The following PALM2AKAP2 variants were observed in gnomAD, a reference collection of about 807,000 sequenced individuals.
The protein encoded by PALM2AKAP2 is PALM2 and AKAP2 fusion.
A neutral mutation model predicts 71.5 loss-of-function variants in PALM2AKAP2; 37 were observed. That is an observed-to-expected ratio of 0.52 (90% CI 0.40 to 0.68). The LOEUF (loss-of-function observed/expected upper bound fraction) is 0.68. Ranked by LOEUF, PALM2AKAP2 falls within the 30% of genes least tolerant of loss-of-function variation. The probability of loss-of-function intolerance (pLI) is 0.00; values close to 1 mark genes in which losing one functional copy is unlikely to be tolerated. For missense variants in PALM2AKAP2, 1,224 were observed against 1,191.8 expected, an observed-to-expected ratio of 1.03 and a Z score of -0.40; for synonymous variants, 468 against 478.8, an observed-to-expected ratio of 0.98 and a Z score of 0.29.
chr9:110,021,543 C>T (rs540412466), intron 7 of PALM2AKAP2, among the ~76,000 whole-genome samples: 14 of 152,252 alleles, frequency 9.2e-5, no homozygotes, highest in African/African-American at 2.2e-4. Context: ...ACCAATATTA[C>T]GAAGATCCAC....
chr9:109,925,119 T>TA, intron 5 of PALM2AKAP2, 37 bp downstream of exon 5: 2 of 1,613,884 alleles, frequency 1.2e-6, no homozygotes, highest in Non-Finnish European at 1.7e-6. Flanking sequence ...ATGAATGTTT[T>TA]AATCCTGGTC....
At chr9:110,016,942 C>G (rs148401486) in intron 7 of PALM2AKAP2, among the ~76,000 whole-genome samples, 1 of 151,994 alleles carries the variant, frequency 6.6e-6, no homozygotes, top group East Asian at 1.9e-4. Flanking sequence ...TGCAGTGGTG[C>G]GATCTCGGCT....
At chr9:109,737,180 A>G (rs1303969010) in intron 1 of PALM2AKAP2, among the ~76,000 whole-genome samples, 1 of 152,224 alleles carries the variant, frequency 6.6e-6, no homozygotes, top group African/African-American at 2.4e-5. Flanking sequence ...CACCAAAGGG[A>G]TCCTGGAAAC....
intron 3 of PALM2AKAP2, among the ~76,000 whole-genome samples, chr9:109,892,460 G>A (rs1313874676): frequency 6.6e-6 from 1 of 152,106 alleles, no homozygotes. Flanking sequence ...AGGTTCTGGG[G>A]GTTAGGGTGT....
chr9:109,692,389 A>G (rs1185416864), intron 1 of PALM2AKAP2, among the ~76,000 whole-genome samples: 1 of 151,954 alleles, frequency 6.6e-6, no homozygotes, highest in Non-Finnish European at 1.5e-5. Context: ...TCATGTCATC[A>G]TTGAAAAATA....
chr9:110,071,163 C>CAA (rs768229567), intron 1 of PALM2AKAP2, among the ~76,000 whole-genome samples: 2 of 101,864 alleles, frequency 2.0e-5, no homozygotes, highest in African/African-American at 8.3e-5. Flanking sequence ...GACTCTGTTT[C>CAA]AAAAAAAAAA....
chr9:110,010,908 A>G (rs1307659039), intron 6 of PALM2AKAP2, among the ~76,000 whole-genome samples: 1 of 144,914 alleles, frequency 6.9e-6, no homozygotes, highest in African/African-American at 2.5e-5. Context: ...AGGCAGGAGA[A>G]TTGCTTGAAC....
At chr9:109,847,327 C>A (rs1411740340) in intron 1 of PALM2AKAP2, among the ~76,000 whole-genome samples, 1 of 152,200 alleles carries the variant, frequency 6.6e-6, no homozygotes, top group Non-Finnish European at 1.5e-5. Context: ...GGAATGCCAG[C>A]AGCTGCCAGA....
intron 1 of PALM2AKAP2, among the ~76,000 whole-genome samples, chr9:109,745,969 G>A (rs1828794332): frequency 6.6e-6 from 1 of 152,200 alleles, no homozygotes; most frequent in Non-Finnish European, 1.5e-5. Flanking sequence ...GCAGAGCTTG[G>A]CATTCAGAGG....
intron 1 of PALM2AKAP2, among the ~76,000 whole-genome samples, chr9:109,699,777 T>A (rs1394013928): frequency 3.3e-5 from 2 of 60,408 alleles, no homozygotes; most frequent in East Asian, 6.8e-4. Flanking sequence ...TACCTTTATT[T>A]ATTTTTTTTT....
At chr9:109,716,865 T>C (rs1828331858) in intron 1 of PALM2AKAP2, among the ~76,000 whole-genome samples, 1 of 152,110 alleles carries the variant, frequency 6.6e-6, no homozygotes, top group South Asian at 2.1e-4. Context: ...TATGTGGATA[T>C]CCTAGCAATA....
At chr9:110,059,251 T>C (rs1833911110) in intron 1 of PALM2AKAP2, among the ~76,000 whole-genome samples, 1 of 152,228 alleles carries the variant, frequency 6.6e-6, no homozygotes, top group Admixed American at 6.5e-5. Context: ...CTCCTGTCAT[T>C]CATCCAGTTG....
rs143285349 is a variant in PALM2AKAP2 at position 109,943,400 on chromosome 9, G to A, written c.496+11372G>A. The A allele has an allele frequency of 5.4e-4, 868 of 1,612,496 alleles. 9 individuals carry two copies. Among genetic ancestry groups the A allele is most frequent in the Admixed American group, 1.5e-4 (9 of 59,718 alleles). ...GCCCCAGGTACCCAAAAGAAAAAGC[G>A]CTGTCAATGCTGTGTTGTCATGTGA... On this transcript the variant is annotated intron_variant, in intron 6 of 9. Coordinates refer to the PALM2AKAP2 transcript ENST00000302798.
chr9:110,119,460 A>T, intron 1 of PALM2AKAP2, among the ~76,000 whole-genome samples: 1 of 151,980 alleles, frequency 6.6e-6, no homozygotes, highest in Non-Finnish European at 1.5e-5. Context: ...TGTATAGATC[A>T]TTTTCTACGT....
intron 6 of PALM2AKAP2, among the ~76,000 whole-genome samples, chr9:109,989,754 G>A (rs1348710787): frequency 1.3e-5 from 2 of 152,174 alleles, no homozygotes; most frequent in Non-Finnish European, 2.9e-5. Context: ...TTCTCCTACT[G>A]TGGGTCCATC....
At position 109,854,326 on chromosome 9, in the gene PALM2AKAP2, A is replaced by G. The variant is rs1326690760; in HGVS notation, c.46-13165A>G. On this transcript the variant is annotated intron_variant, in intron 1 of 9. Transcript: ENST00000302798. ...AGCTGAGGATTCTGAATTAGGAAACATATCTATTTAGGTTTAAACTACAAA... is the reference window on the plus strand; with the variant it reads ...AGCTGAGGATTCTGAATTAGGAAACGTATCTATTTAGGTTTAAACTACAAA... Among the ~76,000 whole-genome samples the G allele has an allele frequency of 2.6e-5, 4 of 152,346 alleles. No homozygotes were observed. In the Middle Eastern group the frequency reaches 0.01, roughly 389 times the overall value.
chr9:110,065,682 T>C (rs1834063158), intron 1 of PALM2AKAP2, among the ~76,000 whole-genome samples: 1 of 152,244 alleles, frequency 6.6e-6, no homozygotes. Context: ...ACTGAAACTG[T>C]ATGCATTAAG....
intron 7 of PALM2AKAP2, among the ~76,000 whole-genome samples, chr9:110,033,083 T>C (rs1339591794): frequency 6.6e-6 from 1 of 152,194 alleles, no homozygotes; most frequent in East Asian, 1.9e-4. Flanking sequence ...AGTTGAGAAA[T>C]AGACAAACAT....
rs140567538 is a variant in PALM2AKAP2, at chr9:109,904,512, G to A, written c.258-19223G>A. On this transcript the variant is annotated intron_variant, in intron 3 of 9. Coordinates refer to the PALM2AKAP2 transcript ENST00000302798. ...CCAGGTCATTGCCTCTGCATGAGAC[G>A]TCTCATACCGAGATGCCTGTACTAT... Among the ~76,000 whole-genome samples the A allele has an allele frequency of 3.8e-3, 576 of 152,232 alleles. 1 individual carries two copies. Among genetic ancestry groups the A allele is most frequent in the African/African-American group, 0.013 (536 of 41,538 alleles).
Sources: gnomAD v4.1 joint callset for allele counts (sites outside exome capture counted in the v4.1 genomes callset) on GRCh38, gnomAD v4.1.1 for gene constraint, MANE v1.5 for transcripts, NCBI Gene and HGNC (gene_info 2026-07-23, HGNC 2026-07-21) for gene names.